Variants in NRXN3 observed in about 807,000 individuals in gnomAD.
NRXN3 encodes the protein neurexin 3.
A neutral mutation model predicts 137.6 loss-of-function variants in NRXN3; 32 were observed. The observed-to-expected ratio is 0.23, with a 90% CI of 0.18 to 0.31. The LOEUF (loss-of-function observed/expected upper bound fraction) is 0.31, where lower values mean the gene tolerates loss of function less well. Ranked by LOEUF, NRXN3 falls within the 10% of genes least tolerant of loss-of-function variation. The pLI, the probability that NRXN3 is intolerant of heterozygous loss-of-function variation, is 1.00. For synonymous variants in NRXN3, 798 were observed against 784.5 expected, an observed-to-expected ratio of 1.02 and a Z score of -0.29; for missense variants, 1,574 against 2,062.5, an observed-to-expected ratio of 0.76 and a Z score of 4.59.
intron 15 of NRXN3, among the ~76,000 whole-genome samples, chr14:79,422,146 A>G (rs1467305518): frequency 6.6e-6 from 1 of 152,106 alleles, no homozygotes; most frequent in Non-Finnish European, 1.5e-5. Flanking sequence ...TGTAGCCTCG[A>G]CATTCTGGGC....
At chr14:78,335,407 G>A (rs1352164050) in intron 4 of NRXN3, among the ~76,000 whole-genome samples, 1 of 152,154 alleles carries the variant, frequency 6.6e-6, no homozygotes, top group African/African-American at 2.4e-5. Flanking sequence ...AAGGTAGATT[G>A]TAAAAGCCTT....
At chr14:79,217,976 C>A (rs553318513) in intron 15 of NRXN3, among the ~76,000 whole-genome samples, 18 of 152,074 alleles carry the variant, frequency 1.2e-4, no homozygotes, top group Non-Finnish European at 2.2e-4. Flanking sequence ...AGATTAGTTC[C>A]CAGAGGACAC....
chr14:78,328,118 C>A (rs1002694525), intron 4 of NRXN3, among the ~76,000 whole-genome samples: 2 of 152,142 alleles, frequency 1.3e-5, no homozygotes, highest in African/African-American at 4.8e-5. Flanking sequence ...AGCCGACACA[C>A]AGGGGATGGG....
At chr14:79,002,528 T>C (rs941891528) in intron 15 of NRXN3, among the ~76,000 whole-genome samples, 16 of 152,168 alleles carry the variant, frequency 1.1e-4, no homozygotes, top group Admixed American at 3.9e-4. Flanking sequence ...TTCATCTACG[T>C]CCCTGCAAAG....
rs2142009292 is a variant in NRXN3, at chr14:79,866,866, T to C, written c.*4902T>C. The stretch of plus-strand genomic sequence containing the variant: ...CTGTAGTCAGAGGGCTTCAGTGTTC[T>C]GGATATATTAAAGGACAAGGTCAGA... On this transcript the variant is annotated 3_prime_UTR_variant, in exon 21 of 21. Transcript: ENST00000335750. 1 of 152,298 alleles carries C rather than the reference T, an allele frequency of 6.6e-6. No homozygotes were observed. Among genetic ancestry groups the C allele is most frequent in the African/African-American group, 2.4e-5 (1 of 41,558 alleles). 9.4% of individuals were successfully genotyped at this position (152,298 alleles called of 1,614,324 possible).
intron 15 of NRXN3, among the ~76,000 whole-genome samples, chr14:79,272,655 A>T (rs1486553778): frequency 6.6e-6 from 1 of 152,182 alleles, no homozygotes; most frequent in Non-Finnish European, 1.5e-5. Context: ...TGAGAGCTCT[A>T]CCCTACTCTG....
chr14:79,453,709 C>T (rs528522455), intron 15 of NRXN3, among the ~76,000 whole-genome samples: 13 of 152,318 alleles, frequency 8.5e-5, no homozygotes, highest in Admixed American at 3.3e-4. Flanking sequence ...CTAACACTTT[C>T]ACATTCTAAT....
At chr14:79,336,375 A>G (rs2092261321) in intron 15 of NRXN3, among the ~76,000 whole-genome samples, 4 of 152,198 alleles carry the variant, frequency 2.6e-5, no homozygotes, top group Admixed American at 2.6e-4. Flanking sequence ...CCCAAAAGAA[A>G]ACCGGGCACT....
chr14:78,732,866 G>C (rs1304405456), intron 8 of NRXN3, among the ~76,000 whole-genome samples: 1 of 152,202 alleles, frequency 6.6e-6, no homozygotes, highest in East Asian at 1.9e-4. Context: ...AAGGTTCTCA[G>C]ACACTTGGAT....
intron 15 of NRXN3, among the ~76,000 whole-genome samples, chr14:79,077,847 T>A (rs2046246795): frequency 6.6e-6 from 1 of 152,098 alleles, no homozygotes; most frequent in Non-Finnish European, 1.5e-5. Context: ...AATGAAAACA[T>A]CTGTCAGGGA....
At chr14:79,631,343 A>G (rs769895889) in intron 16 of NRXN3, among the ~76,000 whole-genome samples, 1 of 152,272 alleles carries the variant, frequency 6.6e-6, no homozygotes, top group Non-Finnish European at 1.5e-5. Context: ...CCTCGGCCTC[A>G]GCGTCTGCTC....
At chr14:78,651,823 C>T (rs1347504466) in intron 6 of NRXN3, among the ~76,000 whole-genome samples, 1 of 152,200 alleles carries the variant, frequency 6.6e-6, no homozygotes, top group Non-Finnish European at 1.5e-5. Context: ...CTGGCTTCCT[C>T]CCACTGGCTC....
At chr14:78,616,527 T>C (rs1422127895) in intron 4 of NRXN3, among the ~76,000 whole-genome samples, 1 of 152,212 alleles carries the variant, frequency 6.6e-6, no homozygotes, top group Non-Finnish European at 1.5e-5. Context: ...CAAAGTTACG[T>C]CCATCTGTAG....
rs147388378 is a variant in NRXN3, at chr14:78,428,608, C to T, written c.757+130748C>T. On this transcript the variant is annotated intron_variant, in intron 4 of 20. Coordinates refer to ENST00000335750, the MANE Select transcript of NRXN3 (RefSeq NM_001330195.2). The stretch of plus-strand genomic sequence containing the variant: ...ATTTTTATTAAAAGAAATTGGCTCA[C>T]GTGATTATGGAGGCTGAAAAGTCCC... Among the ~76,000 whole-genome samples the T allele has an allele frequency of 2.6e-4, 40 of 152,126 alleles. No individual in the cohort carries two copies. The East Asian group carries it at 7.6e-3, about 29-fold the overall frequency.
At chr14:79,055,398 G>A (rs1329238720) in intron 15 of NRXN3, among the ~76,000 whole-genome samples, 1 of 152,188 alleles carries the variant, frequency 6.6e-6, no homozygotes, top group African/African-American at 2.4e-5. Flanking sequence ...ATAAATGGAA[G>A]TTAAAATAAT....
At chr14:79,167,543 A>T (rs1323286852) in intron 15 of NRXN3, among the ~76,000 whole-genome samples, 1 of 152,060 alleles carries the variant, frequency 6.6e-6, no homozygotes, top group East Asian at 1.9e-4. Context: ...AGTGTTTCTG[A>T]TCAAAACATT....
chr14:78,920,032 T>A (rs1235179612), intron 10 of NRXN3, among the ~76,000 whole-genome samples: 1 of 152,242 alleles, frequency 6.6e-6, no homozygotes, highest in African/African-American at 2.4e-5. Context: ...AAATTTTCTT[T>A]ATCAATTAGG....
chr14:79,113,310 C>T (rs570026901), intron 15 of NRXN3, among the ~76,000 whole-genome samples: 135 of 152,210 alleles, frequency 8.9e-4, no homozygotes, highest in Non-Finnish European at 1.5e-3. Context: ...AAGAAGTATA[C>T]TGGGGCAGTC....
At chr14:78,253,210 G>A (rs1451917747) in intron 2 of NRXN3, among the ~76,000 whole-genome samples, 1 of 152,240 alleles carries the variant, frequency 6.6e-6, no homozygotes, top group Non-Finnish European at 1.5e-5. Flanking sequence ...TAGTTTTAAG[G>A]AAACACACTG....
Sources: gnomAD v4.1 joint callset for allele counts (sites outside exome capture counted in the v4.1 genomes callset) on GRCh38, gnomAD v4.1.1 for gene constraint, MANE v1.5 for transcripts, NCBI Gene and HGNC (gene_info 2026-07-23, HGNC 2026-07-21) for gene names.